Variants in COMMD1 observed in about 807,000 individuals in gnomAD.
The protein encoded by COMMD1 is copper metabolism domain containing 1.
In COMMD1, 10 loss-of-function variants were observed where a neutral mutation model predicts 17.2. The ratio of observed to expected loss-of-function variants is 0.58; its 90% confidence interval spans 0.36 to 0.99. COMMD1 has a LOEUF of 0.99. Among genes scored for constraint, COMMD1 ranks in the 50% least tolerant of loss-of-function variants. COMMD1 has a pLI of 0.01. For synonymous variants in COMMD1, 97 were observed against 91.6 expected (o/e 1.06, Z -0.34); for missense variants, 270 against 231.8 (o/e 1.17, Z -1.07).
At chr2:61,903,076 G>A (rs765654816), upstream of COMMD1, among the ~76,000 whole-genome samples, 18 of 152,030 alleles carry the variant, frequency 1.2e-4, no homozygotes, top group Admixed American at 4.6e-4. Flanking sequence ...GGTTTACTTG[G>A]AGCCATGGAA....
At chr2:61,898,436 A>G (rs181853397) in intron 1 of COMMD1, among the ~76,000 whole-genome samples, 2 of 152,328 alleles carry the variant, frequency 1.3e-5, no homozygotes, top group Admixed American at 1.3e-4. Flanking sequence ...GGATCACGCC[A>G]CTGCACTGCA....
Position 62,120,305 on chromosome 2 carries a change from G to GT in COMMD1, c.463-15513dup, listed in dbSNP as rs374491424. Among the ~76,000 whole-genome samples the GT allele has an allele frequency of 2.8e-3, 403 of 143,360 alleles. 2 individuals are homozygous for GT. The highest frequency in any genetic ancestry group is 4.4e-3 in the East Asian group (22 of 4,980). The allele number at this position is 143,360 out of a possible 152,430, so 94.0% of individuals were successfully genotyped here. ...CATGAGCCACTGCACCCAGCTGTGG[G>GT]TTTTTTTTTTTTTCTTCAATTCCTC... On this transcript the variant is annotated intron_variant, in intron 2 of 2. Coordinates refer to ENST00000311832, the MANE Select transcript of COMMD1 (RefSeq NM_152516.4).
chr2:62,062,829 G>A lies in COMMD1; in HGVS notation c.462+61847G>A, dbSNP rs79706586. On this transcript the variant is annotated intron_variant, in intron 2 of 2. Coordinates refer to ENST00000311832, the MANE Select transcript of COMMD1 (RefSeq NM_152516.4). ...TCACACCTGTAATCTTACCACTTTC[G>A]GAGGCCAAGGCAGGAGGACTGCTTG... 3.8e-3 allele frequency among the ~76,000 whole-genome samples: 582 copies of A among 152,096 alleles called. 4 individuals carry two copies. The highest frequency in any genetic ancestry group is 0.013 in the African/African-American group (536 of 41,478).
rs1248366061 is a variant in COMMD1 at position 62,016,065 on chromosome 2, T to G, written c.462+15083T>G. The stretch of plus-strand genomic sequence containing the variant: ...CCAGGCTGGTCTTGAACGCCTGACC[T>G]CAGGCAATCTACCTGCCTTGGCCTC... On this transcript the variant is annotated intron_variant, in intron 2 of 2. Transcript: ENST00000311832. 2.6e-5 allele frequency among the ~76,000 whole-genome samples: 4 copies of G among 152,148 alleles called. No individual in the cohort carries two copies. In the East Asian group the frequency reaches 7.7e-4, roughly 29 times the overall value.
At chr2:62,078,877 AG>A (rs1302739848) in intron 2 of COMMD1, among the ~76,000 whole-genome samples, 9 of 150,676 alleles carry the variant, frequency 6.0e-5, no homozygotes, top group African/African-American at 2.0e-4. Context: ...ACTCCATCTC[AG>A]AAAAAAAAAA....
At chr2:62,020,639 T>C (rs1669586381) in intron 2 of COMMD1, among the ~76,000 whole-genome samples, 1 of 152,180 alleles carries the variant, frequency 6.6e-6, no homozygotes, top group Non-Finnish European at 1.5e-5. Context: ...AAAAATCTCT[T>C]TGAGATAAGC....
At chr2:62,097,246 G>A (rs1672037957) in intron 2 of COMMD1, among the ~76,000 whole-genome samples, 2 of 152,188 alleles carry the variant, frequency 1.3e-5, no homozygotes, top group South Asian at 4.1e-4. Context: ...TCCAAGGGCT[G>A]GTGCAGGGTA....
intron 1 of COMMD1, among the ~76,000 whole-genome samples, chr2:61,982,788 G>A (rs929501179): frequency 3.3e-5 from 5 of 152,002 alleles, no homozygotes; most frequent in Admixed American, 6.5e-5. Context: ...TGAAATGATC[G>A]TATGGTTTTT....
At chr2:62,053,915 A>G (rs1354843666) in intron 2 of COMMD1, among the ~76,000 whole-genome samples, 2 of 152,224 alleles carry the variant, frequency 1.3e-5, no homozygotes, top group African/African-American at 2.4e-5. Context: ...TAAAGAGACA[A>G]CCTGTTGAAT....
intron 2 of COMMD1, among the ~76,000 whole-genome samples, chr2:62,011,843 C>A (rs984192719): frequency 1.3e-5 from 2 of 152,202 alleles, no homozygotes; most frequent in Admixed American, 1.3e-4. Flanking sequence ...ATTTTTCCAA[C>A]ATCGTAAACT....
chr2:61,969,117 T>C, intron 1 of COMMD1: 2 of 347,484 alleles, frequency 5.8e-6, no homozygotes, highest in Non-Finnish European at 1.2e-5. Context: ...CACCACCACA[T>C]CTGGCTTTTA....
intron 1 of COMMD1, among the ~76,000 whole-genome samples, chr2:61,929,417 G>A (rs1670407986): frequency 6.6e-6 from 1 of 152,090 alleles, no homozygotes; most frequent in Admixed American, 6.6e-5. Context: ...TAGAAGAAAG[G>A]AACATCTCTC....
chr2:62,121,535 C>T (rs1160540971), intron 2 of COMMD1, among the ~76,000 whole-genome samples: 12 of 151,490 alleles, frequency 7.9e-5, no homozygotes, highest in South Asian at 2.1e-4. Context: ...GTCAGGAGTT[C>T]GAGACCAGCC....
intron 1 of COMMD1, among the ~76,000 whole-genome samples, chr2:61,938,175 G>C (rs1223536207): frequency 6.6e-6 from 1 of 152,044 alleles, no homozygotes; most frequent in African/African-American, 2.4e-5. Flanking sequence ...GCAGCACCAG[G>C]GAGAGGCCAT....
intron 2 of COMMD1, among the ~76,000 whole-genome samples, chr2:62,008,537 C>T (rs191995210): frequency 2.0e-5 from 3 of 152,200 alleles, no homozygotes; most frequent in East Asian, 3.9e-4. Context: ...AAATAGCTAC[C>T]GAGGGGAACA....
At chr2:61,944,736 G>A (rs745365528) in intron 1 of COMMD1, among the ~76,000 whole-genome samples, 10 of 152,112 alleles carry the variant, frequency 6.6e-5, no homozygotes, top group Non-Finnish European at 1.3e-4. Flanking sequence ...CCCATCACTC[G>A]TGAAAACTCC....
rs186617448 is a variant in COMMD1 at position 61,906,870 on chromosome 2, G to C, written c.180+1012G>C. 4.6e-5 allele frequency among the ~76,000 whole-genome samples: 7 copies of C among 152,120 alleles called. No individual in the cohort carries two copies. In the East Asian group the frequency reaches 1.2e-3, roughly 25 times the overall value. On this transcript the variant is annotated intron_variant, in intron 1 of 2. Coordinates refer to ENST00000311832, the MANE Select transcript of COMMD1 (RefSeq NM_152516.4). Reference sequence around the variant, plus strand: ...TTGAAATTTAATCCACTATCCTTTTGAATTTGCTATTTTTTCAAAGCTGTT... The same window carrying C: ...TTGAAATTTAATCCACTATCCTTTTCAATTTGCTATTTTTTCAAAGCTGTT...
At chr2:62,085,147 C>T (rs775279355) in intron 2 of COMMD1, among the ~76,000 whole-genome samples, 19 of 152,082 alleles carry the variant, frequency 1.2e-4, no homozygotes, top group Non-Finnish European at 1.5e-4. Context: ...ATTTTAAAAA[C>T]TGTTTCTGAA....
chr2:62,028,414 T>C (rs994487739), intron 2 of COMMD1, among the ~76,000 whole-genome samples: 2 of 152,208 alleles, frequency 1.3e-5, no homozygotes, highest in Non-Finnish European at 2.9e-5. Flanking sequence ...AAATAGTTTT[T>C]AATGCTTTAT....
Sources: gnomAD v4.1 joint callset for allele counts (sites outside exome capture counted in the v4.1 genomes callset) on GRCh38, gnomAD v4.1.1 for gene constraint, MANE v1.5 for transcripts, NCBI Gene and HGNC (gene_info 2026-07-23, HGNC 2026-07-21) for gene names.